Variants in TMEM131 observed in about 807,000 individuals in gnomAD.
TMEM131 encodes transmembrane protein 131, also known as 2610524E03Rik.
Under a neutral mutation model 211.6 loss-of-function variants are expected in TMEM131, and 66 were observed. The observed-to-expected ratio is 0.31, with a 90% CI of 0.26 to 0.38. TMEM131 has a LOEUF of 0.38. Among genes scored for constraint, TMEM131 ranks in the 10% least tolerant of loss-of-function variants. TMEM131 has a pLI of 1.00. For missense variants in TMEM131, 2,036 were observed against 2,299.3 expected, an observed-to-expected ratio of 0.89 and a Z score of 2.34; for synonymous variants, 844 against 841.3, an observed-to-expected ratio of 1.00 and a Z score of -0.06.
At chr2:97,989,272 C>T (rs879191566) in intron 1 of TMEM131, among the ~76,000 whole-genome samples, 1 of 99,306 alleles carries the variant, frequency 1.0e-5, no homozygotes, top group African/African-American at 4.2e-5. Flanking sequence ...TTTCAAAAAA[C>T]AAAACAAAAA....
chr2:97,995,730 C>G lies in TMEM131; in HGVS notation c.-68G>C, dbSNP rs1304660812. 1.8e-6 allele frequency: 2 copies of G among 1,121,246 alleles called. No homozygotes were observed. The highest frequency in any genetic ancestry group is 2.2e-6 in the Non-Finnish European group (2 of 908,286). 69.5% of individuals were successfully genotyped at this position (1,121,246 alleles called of 1,614,324 possible). A position where few individuals can be genotyped will look rare whatever the true frequency, so the allele number is the denominator to read the frequency against. On this transcript the variant is annotated 5_prime_UTR_variant, in exon 1 of 41. Transcript: ENST00000186436. ...CCTTCTCGGCGAGGCGGCGGCGGCG[C>G]GGAAGCCGTGGTCCGGGCTCTGGCC...
chr2:97,793,258 T>C (rs1680589524), intron 30 of TMEM131, 137 bp downstream of exon 30: 1 of 877,526 alleles, frequency 1.1e-6, no homozygotes, highest in African/African-American at 1.7e-5. Context: ...CAGAGTTCCA[T>C]ACAGGGTGTT....
chr2:97,956,774 C>T (rs1214869225), intron 1 of TMEM131, among the ~76,000 whole-genome samples: 2 of 152,086 alleles, frequency 1.3e-5, no homozygotes, highest in African/African-American at 4.8e-5. Flanking sequence ...AGTTTATTCT[C>T]CATCTCTGAC....
intron 3 of TMEM131, among the ~76,000 whole-genome samples, chr2:97,891,023 T>C (rs1675355320): frequency 1.3e-5 from 2 of 152,202 alleles, no homozygotes; most frequent in South Asian, 4.1e-4. Flanking sequence ...ACGATACAAG[T>C]TGACACAGGT....
chr2:97,765,966 T>A, intron 35 of TMEM131, 148 bp downstream of exon 35: 1 of 949,168 alleles, frequency 1.1e-6, no homozygotes. Flanking sequence ...GTTTAGCCAC[T>A]GATTAGGCTA....
chr2:97,992,589 T>C (rs955423877), intron 1 of TMEM131, among the ~76,000 whole-genome samples: 7 of 152,158 alleles, frequency 4.6e-5, no homozygotes, highest in African/African-American at 7.2e-5. Flanking sequence ...ATAAATGCCT[T>C]CCAAAAACCC....
rs778394980 is a variant in TMEM131 at position 97,802,756 on chromosome 2, G to T, written c.2437C>A (p.Gln813Lys). Residue 813 changes from glutamine (Q) to lysine (K), a missense_variant, in exon 23 of 41, where the codon CAA (glutamine) becomes AAA (lysine). Physicochemically the swap from Gln to Lys is moderately conservative, Grantham distance 53. Transcript: ENST00000186436. The stretch of plus-strand genomic sequence containing the variant: ...GTGATTTTTGATATTATATTTTTTT[G>T]AAGGTCTGTATTTACTTCAAATATA... ...SAIFEVNTDLQKNIISKITAE... is the reference protein window; with the variant it reads ...SAIFEVNTDLKKNIISKITAE... 3 of 1,572,652 alleles carry T rather than the reference G, an allele frequency of 1.9e-6. No individual in the cohort carries two copies. Among genetic ancestry groups the T allele is most frequent in the South Asian group, 1.2e-5 (1 of 83,890 alleles).
Position 97,811,160 on chromosome 2 carries a change from C to T in TMEM131, c.1936G>A (p.Asp646Asn). The T allele has an allele frequency of 6.2e-7, 1 of 1,613,758 alleles. No homozygotes were observed. The highest frequency in any genetic ancestry group is 8.5e-7 in the Non-Finnish European group (1 of 1,179,744). ...LTAKKLEGIH[D>N]GAIQITTDYE... ...TCTGTTGTGATCTGGATGGCTCCAT[C>T]ATGAATCCCCTCTAATTTTTTTGCA... The change falls in exon 18 of 41, where the codon GAT (aspartate) becomes AAT (asparagine). Residue 646 changes from aspartate to asparagine, a missense_variant. Physicochemically the swap from Asp to Asn is conservative, Grantham distance 23. Transcript: ENST00000186436.
At chr2:97,891,743 C>T (rs998231950) in intron 3 of TMEM131, among the ~76,000 whole-genome samples, 3 of 152,020 alleles carry the variant, frequency 2.0e-5, no homozygotes, top group South Asian at 2.1e-4. Flanking sequence ...ACTCTTTGGC[C>T]CAGCATTTTT....
intron 31 of TMEM131, among the ~76,000 whole-genome samples, chr2:97,790,004 G>C (rs927229466): frequency 5.9e-5 from 9 of 152,120 alleles, no homozygotes; most frequent in Non-Finnish European, 1.3e-4. Flanking sequence ...AGGTCATCCT[G>C]AGCAGCTTCC....
chr2:97,834,930 C>T lies in TMEM131; in HGVS notation c.805-5G>A, dbSNP rs751011759. The T allele has an allele frequency of 2.5e-6, 4 of 1,613,376 alleles. No individual in the cohort carries two copies. The African/African-American group carries it at 5.3e-5, about 22-fold the overall frequency. On this transcript the variant is annotated splice_region_variant and splice_polypyrimidine_tract_variant and intron_variant, in intron 8 of 40. Coordinates refer to ENST00000186436, the MANE Select transcript of TMEM131 (RefSeq NM_015348.2). ...GGTTTCATAAGGAGGAATTTCCTGA[C>T]AAGTTAACAGACCATAATGTAGCAC...
intron 1 of TMEM131, among the ~76,000 whole-genome samples, chr2:97,965,576 C>T (rs576087949): frequency 2.0e-5 from 3 of 152,098 alleles, no homozygotes; most frequent in South Asian, 4.1e-4. Flanking sequence ...CCAAGGGCCA[C>T]GCTGCTAAGC....
intron 4 of TMEM131, among the ~76,000 whole-genome samples, chr2:97,862,900 G>T (rs902493801): frequency 1.3e-5 from 2 of 152,088 alleles, no homozygotes; most frequent in Non-Finnish European, 2.9e-5. Context: ...AGAACACCAA[G>T]CAGATTTAAC....
intron 1 of TMEM131, among the ~76,000 whole-genome samples, chr2:97,972,438 G>A (rs1679339065): frequency 7.0e-6 from 1 of 142,826 alleles, no homozygotes; most frequent in African/African-American, 2.7e-5. Context: ...GAAAGAAAGG[G>A]GAGGGAGGGA....
chr2:97,954,782 G>A (rs2104545416), intron 1 of TMEM131, among the ~76,000 whole-genome samples: 1 of 136,458 alleles, frequency 7.3e-6, no homozygotes, highest in African/African-American at 2.8e-5. Context: ...CTTCAGCCTG[G>A]GAGACAAGAG....
At chr2:97,874,637 G>A (rs1039427583) in intron 4 of TMEM131, among the ~76,000 whole-genome samples, 29 of 152,288 alleles carry the variant, frequency 1.9e-4, no homozygotes, top group African/African-American at 7.0e-4. Context: ...CTTCATAAGT[G>A]AAGGAGAAAT....
intron 4 of TMEM131, among the ~76,000 whole-genome samples, chr2:97,876,804 C>T (rs577253053): frequency 1.3e-3 from 205 of 152,306 alleles, no homozygotes; most frequent in Non-Finnish European, 2.3e-3. Flanking sequence ...GACAAGGATG[C>T]CCTGTCTCAT....
intron 7 of TMEM131, among the ~76,000 whole-genome samples, 177 bp downstream of exon 7, chr2:97,841,618 CTGTATTCCAAAATTCAGACT>C (rs1559394448): frequency 1.7e-4 from 2 of 11,784 alleles, no homozygotes; most frequent in African/African-American, 6.7e-3. Context: ...ATCCAGACTG[CTGTATTCCAAAATTCAGACT>C]GCTGTATTCC....
At chr2:97,904,982 A>G (rs910380237) in intron 3 of TMEM131, among the ~76,000 whole-genome samples, 6 of 152,096 alleles carry the variant, frequency 3.9e-5, no homozygotes, top group African/African-American at 1.4e-4. Context: ...ATAAACAATC[A>G]TTTTTGTTTT....
Sources: gnomAD v4.1 joint callset for allele counts (sites outside exome capture counted in the v4.1 genomes callset) on GRCh38, gnomAD v4.1.1 for gene constraint, MANE v1.5 for transcripts, NCBI Gene and HGNC (gene_info 2026-07-23, HGNC 2026-07-21) for gene names.